The following MTUS2 variants were observed in gnomAD, a reference collection of about 807,000 sequenced individuals.
The protein encoded by MTUS2 is microtubule-associated tumor suppressor candidate 2.
In MTUS2, 40 loss-of-function variants were observed where a neutral mutation model predicts 114.1. The observed-to-expected ratio is 0.35, with a 90% CI of 0.27 to 0.46. The LOEUF (loss-of-function observed/expected upper bound fraction) is 0.46. MTUS2 is among the 20% of genes least tolerant of loss of function. MTUS2 has a pLI of 1.00. For synonymous variants in MTUS2, 688 were observed against 672.0 expected (o/e 1.02, Z -0.37); for missense variants, 1,679 against 1,705.4 (o/e 0.98, Z 0.27).
chr13:29,325,476 G>GAA (rs1181695242), intron 7 of MTUS2, among the ~76,000 whole-genome samples: 11 of 84,988 alleles, frequency 1.3e-4, no homozygotes, highest in Admixed American at 4.6e-4. Context: ...AAAAAGAAAA[G>GAA]AAGAAGAGGA....
At chr13:28,937,420 A>G (rs749922564) in intron 2 of MTUS2, among the ~76,000 whole-genome samples, 1 of 152,160 alleles carries the variant, frequency 6.6e-6, no homozygotes, top group Non-Finnish European at 1.5e-5. Flanking sequence ...CACCCCAGCC[A>G]TCAGCGGCAA....
At chr13:28,999,716 A>G (rs1489763715) in intron 2 of MTUS2, among the ~76,000 whole-genome samples, 1 of 152,160 alleles carries the variant, frequency 6.6e-6, no homozygotes, top group Non-Finnish European at 1.5e-5. Context: ...AGAAATCAGA[A>G]CTTATTCCTC....
chr13:29,412,316 T>C (rs1464184283), intron 8 of MTUS2, among the ~76,000 whole-genome samples: 2 of 152,222 alleles, frequency 1.3e-5, no homozygotes, highest in African/African-American at 4.8e-5. Context: ...AAATTTTTGT[T>C]GAAGACTTTG....
chr13:29,386,239 C>G (rs1872623140), intron 8 of MTUS2, among the ~76,000 whole-genome samples: 1 of 152,116 alleles, frequency 6.6e-6, no homozygotes. Flanking sequence ...TGATCAACAT[C>G]AAGACTTTTG....
chr13:28,908,219 C>T lies in MTUS2; in HGVS notation c.-243+68369C>T, dbSNP rs146658129. On this transcript the variant is annotated intron_variant, in intron 2 of 15. Transcript: ENST00000612955. ...GGTTAGTTACATATGTATACATGTG[C>T]CATGTTGTTGTGCTGCACCCAGTAA... Among the ~76,000 whole-genome samples the T allele has an allele frequency of 3.8e-3, 570 of 151,514 alleles. 19 individuals are homozygous for T. Among genetic ancestry groups the T allele is most frequent in the African/African-American group, 0.013 (546 of 41,114 alleles).
chr13:29,154,992 C>G (rs919825710), intron 5 of MTUS2, among the ~76,000 whole-genome samples: 3 of 152,192 alleles, frequency 2.0e-5, no homozygotes, highest in Non-Finnish European at 4.4e-5. Context: ...GATGCCGCCT[C>G]GGCTGCTGGA....
intron 4 of MTUS2, among the ~76,000 whole-genome samples, chr13:29,045,775 G>A (rs926278149): frequency 1.3e-5 from 2 of 152,096 alleles, no homozygotes; most frequent in Non-Finnish European, 2.9e-5. Context: ...GGGCCTTTGG[G>A]CCTTCAAATG....
chr13:28,966,744 AAAAAC>A (rs1272401868), intron 2 of MTUS2, among the ~76,000 whole-genome samples: 1 of 151,640 alleles, frequency 6.6e-6, no homozygotes, highest in Non-Finnish European at 1.5e-5. Flanking sequence ...AAAAAAAAAA[AAAAAC>A]AAAGAACTGA....
intron 9 of MTUS2, among the ~76,000 whole-genome samples, chr13:29,459,702 T>C (rs1879353593): frequency 6.6e-6 from 1 of 152,208 alleles, no homozygotes; most frequent in Non-Finnish European, 1.5e-5. Context: ...TTTTTTAGCA[T>C]GCAAAAAATA....
intron 2 of MTUS2, among the ~76,000 whole-genome samples, chr13:28,894,287 G>T (rs1593277436): frequency 3.4e-5 from 1 of 29,496 alleles, no homozygotes; most frequent in African/African-American, 2.3e-4. Context: ...GGTGGGGGGG[G>T]GGGAGAGAGA....
At position 29,438,057 on chromosome 13, in the gene MTUS2, A is replaced by G. The variant is rs1045765582; in HGVS notation, c.3118-1926A>G. 2.6e-5 allele frequency among the ~76,000 whole-genome samples: 4 copies of G among 152,210 alleles called. No homozygotes were observed. The East Asian group carries it at 7.7e-4, about 29-fold the overall frequency. On this transcript the variant is annotated intron_variant, in intron 8 of 15. Coordinates refer to ENST00000612955, the MANE Select transcript of MTUS2 (RefSeq NM_001033602.4). ...AGGGTGTTATCCAGTTGCAAATGAA[A>G]TAAAAGGAAACAGAAATATAATAAC...
At chr13:29,328,968 G>A (rs1261382153) in intron 7 of MTUS2, among the ~76,000 whole-genome samples, 4 of 152,232 alleles carry the variant, frequency 2.6e-5, no homozygotes, top group Non-Finnish European at 4.4e-5. Flanking sequence ...GAGATTTTAT[G>A]GTTTGTAGGG....
chr13:29,027,338 T>C (rs1161239781), intron 3 of MTUS2, among the ~76,000 whole-genome samples: 1 of 152,222 alleles, frequency 6.6e-6, no homozygotes, highest in African/African-American at 2.4e-5. Flanking sequence ...CTTATTCGCA[T>C]GCGTGAAGAA....
In MTUS2 at chr13:29,166,926, T is replaced by G. The variant is rs191034164; in HGVS notation, c.2644+65956T>G. On this transcript the variant is annotated intron_variant, in intron 5 of 15. Coordinates refer to ENST00000612955, the MANE Select transcript of MTUS2 (RefSeq NM_001033602.4). ...TTTCAGTATGCTCCTACTCATTCAG[T>G]TTTTCCAATAATGTAGTATCTGTGG... is the stretch of plus-strand genomic sequence containing the variant. Among the ~76,000 whole-genome samples, 672 of 152,302 alleles carry G rather than the reference T, an allele frequency of 4.4e-3. 3 individuals are homozygous for G. The highest frequency in any genetic ancestry group is 0.016 in the African/African-American group (652 of 41,560).
intron 9 of MTUS2, among the ~76,000 whole-genome samples, chr13:29,440,398 C>T (rs1877747571): frequency 6.6e-6 from 1 of 152,186 alleles, no homozygotes; most frequent in South Asian, 2.1e-4. Context: ...TCCATGGCTT[C>T]CTGCCACTGT....
intron 2 of MTUS2, among the ~76,000 whole-genome samples, chr13:28,861,824 C>T (rs1025671869): frequency 7.2e-5 from 11 of 152,130 alleles, no homozygotes; most frequent in African/African-American, 2.2e-4. Context: ...GAGGTGGCGA[C>T]CCTGTGGAGT....
At chr13:29,119,843 A>G (rs1891235017) in intron 5 of MTUS2, among the ~76,000 whole-genome samples, 1 of 152,218 alleles carries the variant, frequency 6.6e-6, no homozygotes, top group South Asian at 2.1e-4. Flanking sequence ...CACACCTAGA[A>G]ATCAAGTTTA....
At chr13:29,332,532 A>G (rs1427533316) in intron 7 of MTUS2, among the ~76,000 whole-genome samples, 1 of 151,066 alleles carries the variant, frequency 6.6e-6, no homozygotes, top group East Asian at 1.9e-4. Context: ...GATTTTTTTG[A>G]AGGGTTTTTC....
At position 29,100,815 on chromosome 13, in the gene MTUS2, A is replaced by G. The variant is rs572991111; in HGVS notation, c.2489A>G (p.Asn830Ser). Residue 830 changes from asparagine (N) to serine (S), a missense_variant, in exon 5 of 16, where the codon AAT (asparagine) becomes AGT (serine). By Grantham distance (46) the Asn-to-Ser change is conservative. Coordinates refer to ENST00000612955, the MANE Select transcript of MTUS2 (RefSeq NM_001033602.4). ...KASSSNAAKSNLPKSGLRPPG... is the reference protein window; with the variant it reads ...KASSSNAAKSSLPKSGLRPPG... ...TCCAGTTCAAATGCTGCAAAATCCA[A>G]TCTCCCGAAATCTGGTCTCCGTCCT... 1.2e-5 allele frequency: 18 copies of G among 1,551,618 alleles called. No individual in the cohort carries two copies. The Admixed American group carries it at 2.4e-4, about 20-fold the overall frequency.
Sources: gnomAD v4.1 joint callset for allele counts (sites outside exome capture counted in the v4.1 genomes callset) on GRCh38, gnomAD v4.1.1 for gene constraint, MANE v1.5 for transcripts, NCBI Gene and HGNC (gene_info 2026-07-23, HGNC 2026-07-21) for gene names.